The following TTC7B variants were observed in gnomAD, a reference collection of about 807,000 sequenced individuals.
TTC7B encodes tetratricopeptide repeat domain 7B, also known as tetratricopeptide repeat protein 7B.
Under a neutral mutation model 106.8 loss-of-function variants are expected in TTC7B, and 28 were observed. That is an observed-to-expected ratio of 0.26 (90% CI 0.19 to 0.36). The LOEUF (loss-of-function observed/expected upper bound fraction) is 0.36, where lower values mean the gene tolerates loss of function less well. TTC7B is among the 10% of genes least tolerant of loss of function. The probability of loss-of-function intolerance (pLI) is 1.00; values close to 1 mark genes in which losing one functional copy is unlikely to be tolerated. For synonymous variants in TTC7B, 405 were observed against 430.6 expected, an observed-to-expected ratio of 0.94 and a Z score of 0.74; for missense variants, 862 against 1,076.4, an observed-to-expected ratio of 0.80 and a Z score of 2.79.
chr14:90,772,042 C>T (rs2140027364), intron 3 of TTC7B, among the ~76,000 whole-genome samples: 1 of 146,234 alleles, frequency 6.8e-6, no homozygotes, highest in South Asian at 2.1e-4. Context: ...CTTTATTTTC[C>T]AAACAGCCTA....
At position 90,530,490 on chromosome 14, in the gene TTC7B, T is replaced by C. The variant is rs1421543145; in HGVS notation, c.*10878A>G. The C allele has an allele frequency of 6.6e-6, 1 of 152,248 alleles. No individual in the cohort carries two copies. The highest frequency in any genetic ancestry group is 2.1e-4 in the South Asian group (1 of 4,832). 9.4% of individuals were successfully genotyped at this position (152,248 alleles called of 1,614,324 possible). A position where few individuals can be genotyped will look rare whatever the true frequency, so the allele number is the denominator to read the frequency against. On this transcript the variant is annotated 3_prime_UTR_variant, in exon 20 of 20. Transcript: ENST00000328459. ...GTCACTTACCTGGCAAAAGGGGCTG[T>C]GCAGATGCCATTTGATGAGGGATCT...
At chr14:90,631,222 G>A (rs1185971717) in intron 15 of TTC7B, among the ~76,000 whole-genome samples, 2 of 152,086 alleles carry the variant, frequency 1.3e-5, no homozygotes, top group Admixed American at 6.5e-5. Flanking sequence ...ATAGGCACTT[G>A]GCTTGTTCCC....
intron 8 of TTC7B, among the ~76,000 whole-genome samples, chr14:90,679,928 C>A (rs535867056): frequency 6.6e-6 from 1 of 152,214 alleles, no homozygotes; most frequent in East Asian, 1.9e-4. Flanking sequence ...TGAGCTCTCA[C>A]GGCCTGGGAC....
At chr14:90,587,835 G>A (rs1375748610) in intron 18 of TTC7B, among the ~76,000 whole-genome samples, 1 of 152,184 alleles carries the variant, frequency 6.6e-6, no homozygotes, top group Non-Finnish European at 1.5e-5. Context: ...CACTGCTTGG[G>A]TTTAGATTGT....
At chr14:90,632,789 A>G (rs894098070) in intron 15 of TTC7B, among the ~76,000 whole-genome samples, 2 of 152,240 alleles carry the variant, frequency 1.3e-5, no homozygotes, top group African/African-American at 4.8e-5. Flanking sequence ...CAGTTTCCTT[A>G]TCTACAAAAT....
chr14:90,654,460 G>A (rs1472124730), intron 12 of TTC7B, among the ~76,000 whole-genome samples: 1 of 152,136 alleles, frequency 6.6e-6, no homozygotes, highest in Non-Finnish European at 1.5e-5. Context: ...AGAACTCTAA[G>A]CACATCCAAA....
chr14:90,566,043 T>C (rs1036877210), intron 19 of TTC7B, among the ~76,000 whole-genome samples: 1 of 152,142 alleles, frequency 6.6e-6, no homozygotes, highest in Non-Finnish European at 1.5e-5. Flanking sequence ...ACAGTGAGCA[T>C]GTGCTGTTGG....
At chr14:90,588,836 G>GA (rs896032944) in intron 18 of TTC7B, among the ~76,000 whole-genome samples, 1 of 87,954 alleles carries the variant, frequency 1.1e-5, no homozygotes, top group African/African-American at 4.3e-5. Context: ...GATGCCGTAA[G>GA]AAAAAATTGA....
intron 3 of TTC7B, among the ~76,000 whole-genome samples, chr14:90,747,806 T>G (rs1890015811): frequency 6.6e-6 from 1 of 152,238 alleles, no homozygotes; most frequent in South Asian, 2.1e-4. Flanking sequence ...TTTAGAACTC[T>G]GTTATTAAGA....
intron 5 of TTC7B, among the ~76,000 whole-genome samples, chr14:90,726,530 T>C (rs1410222668): frequency 6.6e-6 from 1 of 152,202 alleles, no homozygotes; most frequent in African/African-American, 2.4e-5. Context: ...TCGTCACCAT[T>C]GGAAGTCACA....
chr14:90,743,195 C>T (rs1889834117), intron 4 of TTC7B, among the ~76,000 whole-genome samples: 2 of 152,134 alleles, frequency 1.3e-5, no homozygotes, highest in African/African-American at 4.8e-5. Context: ...TCCTGAATTC[C>T]CAGATATCTT....
chr14:90,742,688 A>G lies in TTC7B; in HGVS notation c.576+2104T>C, dbSNP rs1410381910. 6.6e-6 allele frequency among the ~76,000 whole-genome samples: 1 copy of G among 152,186 alleles called. No homozygotes were observed. Among genetic ancestry groups the G allele is most frequent in the Non-Finnish European group, 1.5e-5 (1 of 68,030 alleles). On this transcript the variant is annotated intron_variant, in intron 4 of 19. Transcript: ENST00000328459. This position sits in a 1 kb window ranked among gnomAD's most constrained non-coding sequence, Gnocchi z 4.1. Reference sequence around the variant, plus strand: ...TCTTCTCAAAATCCAACATCTTATGATCACCATTTCCCCAAAATCAAAGAA... The same window carrying G: ...TCTTCTCAAAATCCAACATCTTATGGTCACCATTTCCCCAAAATCAAAGAA...
chr14:90,777,511 G>A (rs961145840), intron 3 of TTC7B, among the ~76,000 whole-genome samples: 6 of 152,130 alleles, frequency 3.9e-5, no homozygotes, highest in Non-Finnish European at 5.9e-5. Flanking sequence ...GGCTGGCCAG[G>A]GGAAGGGACT....
At chr14:90,542,095 A>T (rs1016652601) in intron 19 of TTC7B, among the ~76,000 whole-genome samples, 2 of 151,912 alleles carry the variant, frequency 1.3e-5, no homozygotes, top group Non-Finnish European at 2.9e-5. Flanking sequence ...GCCCGCCACC[A>T]CGCCCGGCTA....
chr14:90,734,311 T>C (rs1304111033), intron 4 of TTC7B, among the ~76,000 whole-genome samples: 1 of 151,346 alleles, frequency 6.6e-6, no homozygotes, highest in African/African-American at 2.4e-5. Context: ...ACCCAGCTAC[T>C]CAGTAGGCTG....
chr14:90,549,055 G>T (rs2139769645), intron 19 of TTC7B, among the ~76,000 whole-genome samples: 1 of 151,818 alleles, frequency 6.6e-6, no homozygotes, highest in African/African-American at 2.4e-5. Context: ...GTGAACCCAG[G>T]AGGTGGAGCT....
At chr14:90,782,327 G>A (rs980868969) in intron 2 of TTC7B, among the ~76,000 whole-genome samples, 7 of 152,278 alleles carry the variant, frequency 4.6e-5, no homozygotes, top group Middle Eastern at 3.4e-3. Context: ...GGCCGAGTGC[G>A]GTGGCTCACA....
Position 90,676,643 on chromosome 14 carries a change from C to G in TTC7B, c.1032G>C (p.Val344=). 6.2e-7 allele frequency: 1 copy of G among 1,614,026 alleles called. No homozygotes were observed. The highest frequency in any genetic ancestry group is 1.7e-5 in the Admixed American group (1 of 60,016). ...TCTTGTGTTCAGGTATCCTGCTCAG[C>G]ACAGCGTCCCGGTTGGCCTGAAAAA... The part of the protein sequence containing the change: ...ISESMANRDA[V]LSRIPEHKSD... The change falls in exon 9 of 20, where the codon GTG becomes GTC. Residue 344 remains valine (V), a synonymous_variant. Coordinates refer to ENST00000328459, the MANE Select transcript of TTC7B (RefSeq NM_001010854.2).
At chr14:90,652,400 G>A (rs1011607862) in intron 13 of TTC7B, among the ~76,000 whole-genome samples, 1 of 151,354 alleles carries the variant, frequency 6.6e-6, no homozygotes, top group Non-Finnish European at 1.5e-5. Flanking sequence ...GTTTGGGGCT[G>A]ACTGTCTTCA....
Sources: allele counts gnomAD v4.1 joint callset (sites outside exome capture counted in the v4.1 genomes callset), GRCh38; gene constraint gnomAD v4.1.1; non-coding constraint Gnocchi (gnomAD v3.1); transcripts MANE v1.5; gene names NCBI Gene and HGNC (gene_info 2026-07-23, HGNC 2026-07-21).